Variants in FBXL4 observed in about 807,000 individuals in gnomAD.
FBXL4 encodes F-box and leucine rich repeat protein 4, also known as F-box/LRR-repeat protein 4.
A neutral mutation model predicts 58.9 loss-of-function variants in FBXL4; 40 were observed. The ratio of observed to expected loss-of-function variants is 0.68; its 90% confidence interval spans 0.53 to 0.88. The LOEUF is 0.88. Ranked by LOEUF, FBXL4 falls within the 40% of genes least tolerant of loss-of-function variation. The probability of loss-of-function intolerance (pLI) is 0.00; values close to 1 mark genes in which losing one functional copy is unlikely to be tolerated. For missense variants in FBXL4, 676 were observed against 734.4 expected, an observed-to-expected ratio of 0.92 and a Z score of 0.92; for synonymous variants, 263 against 265.5, an observed-to-expected ratio of 0.99 and a Z score of 0.09.
intron 1 of FBXL4, among the ~76,000 whole-genome samples, chr6:98,945,498 G>A (rs1773587920): frequency 6.6e-6 from 1 of 152,262 alleles, no homozygotes; most frequent in Admixed American, 6.5e-5. Flanking sequence ...TTACTGGGTA[G>A]GTGGGCACAC....
chr6:98,880,223 G>C (rs934751037), intron 8 of FBXL4, among the ~76,000 whole-genome samples: 2 of 152,064 alleles, frequency 1.3e-5, no homozygotes, highest in African/African-American at 4.8e-5. Flanking sequence ...CTGAACTATC[G>C]GCATTTAGGT....
intron 2 of FBXL4, among the ~76,000 whole-genome samples, chr6:98,933,288 C>T (rs369708435): frequency 6.6e-6 from 1 of 152,132 alleles, no homozygotes. Context: ...TTTCTTCTTC[C>T]TAATTCTTCT....
At position 98,881,962 on chromosome 6, in the gene FBXL4, T is replaced by C. The variant is rs192467320; in HGVS notation, c.1318-1338A>G. On this transcript the variant is annotated intron_variant, in intron 7 of 9. Coordinates refer to ENST00000369244, the MANE Select transcript of FBXL4 (RefSeq NM_001278716.2). ...TTTTTTAATTACAGGACCATATCCA[T>C]ATTAAAAGGTTGTTTTATAAGATTT... Among the ~76,000 whole-genome samples the C allele has an allele frequency of 1.8e-3, 277 of 152,066 alleles. 3 individuals are homozygous for C. The highest frequency in any genetic ancestry group is 5.3e-3 in the Admixed American group (81 of 15,266).
At chr6:98,913,129 G>A (rs1473630495) in intron 5 of FBXL4, among the ~76,000 whole-genome samples, 15 of 152,250 alleles carry the variant, frequency 9.9e-5, no homozygotes, top group Admixed American at 2.6e-4. Context: ...AGAGCTAACT[G>A]TCCTAAATAT....
In FBXL4 at chr6:98,922,470, T is replaced by G. The variant is rs374288562; in HGVS notation, c.512+4007A>C. Among the ~76,000 whole-genome samples the G allele has an allele frequency of 1.6e-3, 249 of 152,328 alleles. 4 individuals carry two copies. Among genetic ancestry groups the G allele is most frequent in the Middle Eastern group, 3.4e-3 (1 of 294 alleles). On this transcript the variant is annotated intron_variant, in intron 4 of 9. Transcript: ENST00000369244. Reference sequence around the variant, plus strand: ...CTAAGGGAGGGATATAAAATTAAAATAATAGACACTGTAGCCCACTGGGTT... The same window carrying G: ...CTAAGGGAGGGATATAAAATTAAAAGAATAGACACTGTAGCCCACTGGGTT...
chr6:98,937,303 A>G lies in FBXL4; in HGVS notation c.-308-2424T>C, dbSNP rs368260329. Among the ~76,000 whole-genome samples, 656 of 152,168 alleles carry G rather than the reference A, an allele frequency of 4.3e-3. 2 individuals are homozygous for G. The highest frequency in any genetic ancestry group is 0.016 in the South Asian group (77 of 4,830). ...CCAGCCTGGGTGACTTCGTCTCAAA[A>G]AAAAAAAAAAATCTGAATATAACTT... On this transcript the variant is annotated intron_variant, in intron 1 of 9. Transcript: ENST00000369244.
intron 8 of FBXL4, among the ~76,000 whole-genome samples, chr6:98,878,083 A>G (rs1157001368): frequency 6.6e-6 from 1 of 152,206 alleles, no homozygotes; most frequent in Admixed American, 6.5e-5. Context: ...TAGTATCTAC[A>G]TTAAACTCAC....
At chr6:98,920,660 T>G (rs1772544650) in intron 4 of FBXL4, among the ~76,000 whole-genome samples, 1 of 152,180 alleles carries the variant, frequency 6.6e-6, no homozygotes, top group Admixed American at 6.5e-5. Flanking sequence ...AATGTATCAT[T>G]TCTAAGTTAA....
At chr6:98,917,032 T>A (rs1410644559) in intron 5 of FBXL4, among the ~76,000 whole-genome samples, 1 of 152,074 alleles carries the variant, frequency 6.6e-6, no homozygotes, top group Non-Finnish European at 1.5e-5. Context: ...TTAACATAAC[T>A]AATAAAAAGT....
At chr6:98,927,277 A>G (rs1772828491) in intron 3 of FBXL4, among the ~76,000 whole-genome samples, 4 of 152,172 alleles carry the variant, frequency 2.6e-5, no homozygotes, top group Admixed American at 2.6e-4. Flanking sequence ...GGGAAGCAAA[A>G]CTATATTATA....
rs1245112574 is a variant in FBXL4, at chr6:98,873,148, C to A, written c.*1130G>T. On this transcript the variant is annotated 3_prime_UTR_variant, in exon 10 of 10. Coordinates refer to ENST00000369244, the MANE Select transcript of FBXL4 (RefSeq NM_001278716.2). The stretch of plus-strand genomic sequence containing the variant: ...ACAAAATTCATTGTCCTGTTAAGTG[C>A]AAAATCGTTATATTCCAGCATCCAC... The A allele has an allele frequency of 1.3e-5, 2 of 150,442 alleles. No individual in the cohort carries two copies. The highest frequency in any genetic ancestry group is 3.9e-4 in the East Asian group (2 of 5,168). 9.3% of individuals were successfully genotyped at this position (150,442 alleles called of 1,614,324 possible).
chr6:98,894,381 C>G (rs543744571), intron 7 of FBXL4, among the ~76,000 whole-genome samples: 28 of 152,214 alleles, frequency 1.8e-4, no homozygotes, highest in African/African-American at 6.7e-4. Flanking sequence ...CTAAAGTGTC[C>G]TCCCTGTCTA....
At position 98,869,240 on chromosome 6, in the gene FBXL4, G is replaced by A. The variant is rs1770431321; in HGVS notation, c.*5038C>T. ...AAAGGAGAAAAGTAGATGCAGCACTGATGTGTCAAAAATGACTTTGAAAAT... is the reference window on the plus strand; with the variant it reads ...AAAGGAGAAAAGTAGATGCAGCACTAATGTGTCAAAAATGACTTTGAAAAT... On this transcript the variant is annotated 3_prime_UTR_variant, in exon 10 of 10. Coordinates refer to ENST00000369244, the MANE Select transcript of FBXL4 (RefSeq NM_001278716.2). 1 of 152,112 alleles carries A rather than the reference G, an allele frequency of 6.6e-6. No individual in the cohort carries two copies. The highest frequency in any genetic ancestry group is 1.5e-5 in the Non-Finnish European group (1 of 68,052). The allele number at this position is 152,112 out of a possible 1,614,324, so 9.4% of individuals were successfully genotyped here. A position where few individuals can be genotyped will look rare whatever the true frequency, so the allele number is the denominator to read the frequency against.
In FBXL4 at chr6:98,943,579, C is replaced by CAAAAAA. The variant is rs59697294; in HGVS notation, c.-309+4221_-309+4226dup. 3.0e-3 allele frequency among the ~76,000 whole-genome samples: 225 copies of CAAAAAA among 74,682 alleles called. 1 individual carries two copies. The highest frequency in any genetic ancestry group is 0.013 in the Middle Eastern group (1 of 76). 49.0% of individuals were successfully genotyped at this position (74,682 alleles called of 152,430 possible). On this transcript the variant is annotated intron_variant, in intron 1 of 9. Transcript: ENST00000369244. ...TGGGTGACAGAGCAAGACTCTGTCT[C>CAAAAAA]AAAAAAAAAAAAAAAAAAAAAGAAG...
At chr6:98,930,211 CAG>C (rs1011422421) in intron 2 of FBXL4, among the ~76,000 whole-genome samples, 1 of 152,110 alleles carries the variant, frequency 6.6e-6, no homozygotes, top group African/African-American at 2.4e-5. Flanking sequence ...CAAGAAATAA[CAG>C]AATAACCAGA....
intron 5 of FBXL4, among the ~76,000 whole-genome samples, chr6:98,916,514 G>T (rs1204217377): frequency 6.6e-6 from 1 of 152,012 alleles, no homozygotes; most frequent in African/African-American, 2.4e-5. Flanking sequence ...CATGTCCTTT[G>T]TAGGGACATG....
chr6:98,916,005 A>C (rs902787897), intron 5 of FBXL4, among the ~76,000 whole-genome samples: 9 of 152,254 alleles, frequency 5.9e-5, no homozygotes, highest in African/African-American at 1.9e-4. Context: ...AAGTGGGTGA[A>C]GGATATGAAC....
intron 4 of FBXL4, among the ~76,000 whole-genome samples, chr6:98,918,349 T>C (rs1048527296): frequency 6.6e-6 from 1 of 152,142 alleles, no homozygotes; most frequent in African/African-American, 2.4e-5. Flanking sequence ...CATTCTCCTA[T>C]TCCTCCAAAT....
At chr6:98,923,328 C>G (rs1300366480) in intron 4 of FBXL4, among the ~76,000 whole-genome samples, 1 of 152,122 alleles carries the variant, frequency 6.6e-6, no homozygotes, top group Non-Finnish European at 1.5e-5. Flanking sequence ...CAGGAATAGT[C>G]ACCTCAAGAT....
Sources: allele counts gnomAD v4.1 joint callset (sites outside exome capture counted in the v4.1 genomes callset), GRCh38; gene constraint gnomAD v4.1.1; transcripts MANE v1.5; gene names NCBI Gene and HGNC (gene_info 2026-07-23, HGNC 2026-07-21).